DNAH6: variants seen among roughly 807,000 people sequenced by gnomAD.
DNAH6 encodes axonemal beta dynein heavy chain 6.
A neutral mutation model predicts 491.4 loss-of-function variants in DNAH6; 340 were observed. The observed-to-expected ratio is 0.69, with a 90% confidence interval of 0.63 to 0.76. The LOEUF is 0.76. Among genes scored for constraint, DNAH6 ranks in the 30% least tolerant of loss-of-function variants. The pLI, the probability that DNAH6 is intolerant of heterozygous loss-of-function variation, is 0.00. For synonymous variants in DNAH6, 1,603 were observed against 1,686.1 expected (o/e 0.95, Z 1.21); for missense variants, 4,443 against 4,972.2 (o/e 0.89, Z 3.20).
rs961546194 is a variant in DNAH6 at position 84,634,612 on chromosome 2, A to G, written c.4624A>G (p.Ile1542Val). 33 of 1,545,170 alleles carry G rather than the reference A, an allele frequency of 2.1e-5. No individual in the cohort carries two copies. The highest frequency in any genetic ancestry group is 4.1e-5 in the African/African-American group (3 of 72,456). The change falls in exon 30 of 77, where the codon ATT (isoleucine) becomes GTT (valine). Residue 1542 changes from isoleucine (I) to valine (V), a missense_variant. This residue lies in a region of DNAH6 where 2,977 missense variants were observed against 3,296.6 expected (regional missense o/e 0.90). Coordinates refer to ENST00000389394, the MANE Select transcript of DNAH6 (RefSeq NM_001370.2). The part of the protein sequence containing the change: ...EVLSVIAQQL[I>V]TIRNAKAAKL... ...TCTGTCCGTCATCGCGCAGCAACTC[A>G]TTACCATTAGGAACGCCAAAGCGGC...
intron 70 of DNAH6, among the ~76,000 whole-genome samples, chr2:84,798,785 C>T (rs1343715441): frequency 6.6e-6 from 1 of 152,172 alleles, no homozygotes; most frequent in Non-Finnish European, 1.5e-5. Context: ...TAGTTCACCA[C>T]CCCCATCACA....
chr2:84,607,123 A>G lies in DNAH6; in HGVS notation c.3294+28A>G, dbSNP rs375571318. 1.8e-5 allele frequency: 27 copies of G among 1,542,396 alleles called. No homozygotes were observed. In the African/African-American group the frequency reaches 3.4e-4, roughly 20 times the overall value. On this transcript the variant is annotated intron_variant, in intron 21 of 76. Transcript: ENST00000389394. The stretch of plus-strand genomic sequence containing the variant: ...GAGTAAGAATAATTTTGATTCATAC[A>G]CTCAGAGAATTGGAGAGTCACAAGG...
chr2:84,493,264 AC>A, the DNAH6 span, among the ~76,000 whole-genome samples: 4 of 152,142 alleles, frequency 2.6e-5, no homozygotes, highest in Non-Finnish European at 5.9e-5. Flanking sequence ...TAGACTATAT[AC>A]CATATGTATA....
intron 64 of DNAH6, among the ~76,000 whole-genome samples, chr2:84,776,571 G>T (rs769411529): frequency 6.6e-6 from 1 of 152,178 alleles, no homozygotes; most frequent in Non-Finnish European, 1.5e-5. Context: ...AAAATTGCAG[G>T]TCTTCTAGTT....
intron 10 of DNAH6, among the ~76,000 whole-genome samples, chr2:84,557,236 A>G (rs901627203): frequency 6.6e-6 from 1 of 152,198 alleles, no homozygotes; most frequent in African/African-American, 2.4e-5. Flanking sequence ...CAATTAGAAA[A>G]CATATGTCCT....
chr2:84,752,035 G>A lies in DNAH6; in HGVS notation c.10512+6786G>A, dbSNP rs552741235. The stretch of plus-strand genomic sequence containing the variant: ...TTGGTTTCCAAGGCTAAATCCACTG[G>A]GAACTCAAATGTTGGCAGGACTGGT... On this transcript the variant is annotated intron_variant, in intron 63 of 76. Coordinates refer to ENST00000389394, the MANE Select transcript of DNAH6 (RefSeq NM_001370.2). Among the ~76,000 whole-genome samples, 14 of 152,286 alleles carry A rather than the reference G, an allele frequency of 9.2e-5. 1 individual carries two copies. The South Asian group carries it at 2.1e-3, about 23-fold the overall frequency.
chr2:84,692,148 AG>A, intron 45 of DNAH6, among the ~76,000 whole-genome samples: 1 of 152,344 alleles, frequency 6.6e-6, no homozygotes, highest in African/African-American at 2.4e-5. Flanking sequence ...TGATGTATAT[AG>A]TAACTAACTG....
chr2:84,757,147 G>T (rs79779393), intron 63 of DNAH6, among the ~76,000 whole-genome samples: 3,825 of 152,266 alleles, frequency 0.025, 58 homozygotes, highest in Middle Eastern at 0.092. Flanking sequence ...CTGCCATCAA[G>T]ATCTCCATGA....
intron 72 of DNAH6, among the ~76,000 whole-genome samples, chr2:84,811,915 GAACCCTCTGAGCAAA>G (rs1485600444): frequency 1.3e-5 from 2 of 151,432 alleles, no homozygotes; most frequent in Admixed American, 1.3e-4. Context: ...GGGTTTGGGG[GAACCCTCTGAGCAAA>G]AATGACCAGT....
intron 49 of DNAH6, among the ~76,000 whole-genome samples, chr2:84,702,632 T>C (rs1696035153): frequency 6.8e-6 from 1 of 147,070 alleles, no homozygotes; most frequent in African/African-American, 2.5e-5. Flanking sequence ...AACCTCCGCC[T>C]CCCAGGTTCG....
At chr2:84,783,252 C>T (rs1676858991) in intron 65 of DNAH6, among the ~76,000 whole-genome samples, 1 of 152,176 alleles carries the variant, frequency 6.6e-6, no homozygotes, top group Admixed American at 6.5e-5. Flanking sequence ...CCAGTTTCCC[C>T]AGCTATAAAA....
At chr2:84,780,739 T>G (rs1676606340) in intron 64 of DNAH6, among the ~76,000 whole-genome samples, 1 of 152,102 alleles carries the variant, frequency 6.6e-6, no homozygotes, top group Non-Finnish European at 1.5e-5. Flanking sequence ...CCAAGGGGGC[T>G]AGTGTTTATC....
At chr2:84,775,570 G>A (rs1348198891) in intron 64 of DNAH6, among the ~76,000 whole-genome samples, 1 of 152,118 alleles carries the variant, frequency 6.6e-6, no homozygotes, top group Non-Finnish European at 1.5e-5. Flanking sequence ...TTTTGGAATA[G>A]TTTCAGTAGG....
chr2:84,650,766 A>C (rs1573361697), intron 33 of DNAH6, among the ~76,000 whole-genome samples: 1 of 152,172 alleles, frequency 6.6e-6, no homozygotes, highest in Non-Finnish European at 1.5e-5. Flanking sequence ...CGTTTCTCTC[A>C]TCTCAGTGTT....
At chr2:84,662,698 G>T (rs553009651) in intron 37 of DNAH6, among the ~76,000 whole-genome samples, 2 of 152,206 alleles carry the variant, frequency 1.3e-5, no homozygotes, top group Admixed American at 6.5e-5. Flanking sequence ...TGAACAAAAG[G>T]CAGCAGAAAC....
chr2:84,745,727 T>C (rs906637104), intron 63 of DNAH6, among the ~76,000 whole-genome samples: 2 of 150,980 alleles, frequency 1.3e-5, no homozygotes, highest in African/African-American at 4.9e-5. Flanking sequence ...ATGTTTTATG[T>C]AGAGAATTAT....
At chr2:84,605,842 GA>G (rs1366771479) in intron 20 of DNAH6, among the ~76,000 whole-genome samples, 1 of 152,090 alleles carries the variant, frequency 6.6e-6, no homozygotes, top group Non-Finnish European at 1.5e-5. Context: ...GAGGAATTTA[GA>G]AAAACAAAGA....
the DNAH6 span, among the ~76,000 whole-genome samples, chr2:84,500,560 C>A: frequency 6.6e-6 from 1 of 152,092 alleles, no homozygotes; most frequent in East Asian, 1.9e-4. Flanking sequence ...TTTTCTATTT[C>A]TGTGAAGAAT....
intron 4 of DNAH6, among the ~76,000 whole-genome samples, chr2:84,532,925 C>G (rs1677314341): frequency 6.6e-6 from 1 of 152,120 alleles, no homozygotes; most frequent in Non-Finnish European, 1.5e-5. Context: ...ATAAAGTGTG[C>G]TGACAGGTAT....
Sources: allele counts gnomAD v4.1 joint callset (sites outside exome capture counted in the v4.1 genomes callset), GRCh38; gene constraint gnomAD v4.1.1; regional missense constraint gnomAD v4.1.1; transcripts MANE v1.5; gene names NCBI Gene and HGNC (gene_info 2026-07-23, HGNC 2026-07-21).